Variants in WWOX observed in about 807,000 individuals in gnomAD.
WWOX encodes the protein WW domain-containing oxidoreductase.
In WWOX, 69 loss-of-function variants were observed where a neutral mutation model predicts 46.2. The ratio of observed to expected loss-of-function variants is 1.49; its 90% confidence interval spans 1.23 to 1.82. The LOEUF is 1.82. WWOX is among the 40% of genes most tolerant of loss of function. The pLI is 0.00. For synonymous variants in WWOX, 359 were observed against 202.6 expected, an observed-to-expected ratio of 1.77 and a Z score of -6.56; for missense variants, 919 against 542.6, an observed-to-expected ratio of 1.69 and a Z score of -6.89.
At chr16:78,631,796 G>C (rs148299294) in intron 8 of WWOX, among the ~76,000 whole-genome samples, 4 of 152,116 alleles carry the variant, frequency 2.6e-5, no homozygotes, top group Non-Finnish European at 5.9e-5. Context: ...AAAGTGTTGG[G>C]ATTATAGGTG....
intron 8 of WWOX, among the ~76,000 whole-genome samples, chr16:78,470,568 C>T (rs1212556665): frequency 1.3e-5 from 2 of 152,114 alleles, no homozygotes; most frequent in East Asian, 1.9e-4. Context: ...CTTGCTCTGT[C>T]GCCCAGGCTG....
In WWOX at chr16:78,322,274, T is replaced by G. The variant is rs981108532; in HGVS notation, c.517-64586T>G. 3.3e-5 allele frequency among the ~76,000 whole-genome samples: 5 copies of G among 152,200 alleles called. No individual in the cohort carries two copies. The East Asian group carries it at 9.6e-4, about 29-fold the overall frequency. ...TGTTGTTTTTAATGTCTTCCAAGCC[T>G]TCTGTGTATTAGCCAGCATTAAGGG... On this transcript the variant is annotated intron_variant, in intron 5 of 8. Transcript: ENST00000566780.
chr16:79,024,939 A>G (rs1052565761), intron 8 of WWOX, among the ~76,000 whole-genome samples: 35 of 152,134 alleles, frequency 2.3e-4, no homozygotes, highest in Non-Finnish European at 4.1e-4. Context: ...TGGGATGAGG[A>G]TGGGGACACA....
intron 5 of WWOX, among the ~76,000 whole-genome samples, chr16:78,351,151 G>C (rs958138603): frequency 3.3e-5 from 5 of 152,276 alleles, no homozygotes; most frequent in South Asian, 2.1e-4. Flanking sequence ...TTACAGTGCA[G>C]TGTGTGCTTT....
chr16:79,067,732 C>T (rs950364826), intron 8 of WWOX, among the ~76,000 whole-genome samples: 4 of 152,034 alleles, frequency 2.6e-5, no homozygotes, highest in South Asian at 4.1e-4. Context: ...CAGCTGTATT[C>T]GCTGTGCCTA....
intron 8 of WWOX, among the ~76,000 whole-genome samples, chr16:78,762,222 A>G (rs376511704): frequency 6.6e-6 from 1 of 152,310 alleles, no homozygotes; most frequent in East Asian, 1.9e-4. Flanking sequence ...CCAAGAGCAT[A>G]CAGCAGCTGT....
intron 8 of WWOX, among the ~76,000 whole-genome samples, chr16:78,558,545 C>T (rs1012732639): frequency 2.6e-5 from 4 of 152,208 alleles, no homozygotes; most frequent in African/African-American, 7.2e-5. Context: ...TGCCATAGTA[C>T]CCATCAGGCC....
At chr16:78,967,507 G>C (rs1236961100) in intron 8 of WWOX, among the ~76,000 whole-genome samples, 1 of 112,664 alleles carries the variant, frequency 8.9e-6, no homozygotes, top group African/African-American at 3.3e-5. Flanking sequence ...ATTTCACCAT[G>C]TTCTCCAGGC....
At chr16:78,811,351 A>G (rs948161109) in intron 8 of WWOX, among the ~76,000 whole-genome samples, 1 of 152,114 alleles carries the variant, frequency 6.6e-6, no homozygotes, top group South Asian at 2.1e-4. Flanking sequence ...CTACTAGTAT[A>G]TTTATGTCAC....
At chr16:78,729,373 A>T (rs2048911787) in intron 8 of WWOX, among the ~76,000 whole-genome samples, 1 of 151,822 alleles carries the variant, frequency 6.6e-6, no homozygotes, top group African/African-American at 2.4e-5. Flanking sequence ...AAATAAAATA[A>T]ATATATATAT....
intron 8 of WWOX, among the ~76,000 whole-genome samples, chr16:78,844,380 A>C (rs964770408): frequency 2.0e-5 from 3 of 152,190 alleles, no homozygotes; most frequent in African/African-American, 7.2e-5. Flanking sequence ...ATGGGAAATA[A>C]ATTCTTATTT....
intron 1 of WWOX, among the ~76,000 whole-genome samples, chr16:78,103,827 G>C (rs1172717028): frequency 2.0e-5 from 3 of 152,106 alleles, no homozygotes; most frequent in Admixed American, 6.5e-5. Flanking sequence ...GAGACCTCGG[G>C]GTCTGGTGGA....
chr16:78,700,481 G>C (rs1206459836), intron 8 of WWOX, among the ~76,000 whole-genome samples: 2 of 152,088 alleles, frequency 1.3e-5, no homozygotes, highest in Non-Finnish European at 2.9e-5. Flanking sequence ...TATGCATTTG[G>C]AAGAGAGAGG....
intron 6 of WWOX, among the ~76,000 whole-genome samples, chr16:78,387,890 A>G (rs1427606610): frequency 6.6e-6 from 1 of 152,146 alleles, no homozygotes; most frequent in African/African-American, 2.4e-5. Context: ...CTGAATGTGG[A>G]GAGCTCTCAT....
intron 8 of WWOX, among the ~76,000 whole-genome samples, chr16:78,715,699 A>G (rs1386456192): frequency 6.6e-6 from 1 of 151,938 alleles, no homozygotes; most frequent in Non-Finnish European, 1.5e-5. Flanking sequence ...CTGGTCTCGA[A>G]CTCCTGACTT....
At chr16:78,827,260 C>T (rs116670420) in intron 8 of WWOX, among the ~76,000 whole-genome samples, 237 of 152,270 alleles carry the variant, frequency 1.6e-3, no homozygotes, top group African/African-American at 5.4e-3. Context: ...TGCTCACTGT[C>T]CAAGTGCTGG....
At chr16:79,103,044 C>A (rs1282442090) in intron 8 of WWOX, among the ~76,000 whole-genome samples, 1 of 152,130 alleles carries the variant, frequency 6.6e-6, no homozygotes, top group Non-Finnish European at 1.5e-5. Flanking sequence ...TTTCCATTTG[C>A]TTCTTGCTTT....
At chr16:79,135,957 A>G (rs1197855484) in intron 8 of WWOX, among the ~76,000 whole-genome samples, 3 of 152,050 alleles carry the variant, frequency 2.0e-5, no homozygotes, top group African/African-American at 4.8e-5. Context: ...AACCATCACC[A>G]CCTTCGAATG....
intron 5 of WWOX, among the ~76,000 whole-genome samples, chr16:78,234,762 G>T (rs1189952836): frequency 6.7e-6 from 1 of 148,626 alleles, no homozygotes; most frequent in African/African-American, 2.5e-5. Flanking sequence ...TAAAATAGAG[G>T]TACAATGATA....
Sources: allele counts gnomAD v4.1 joint callset (sites outside exome capture counted in the v4.1 genomes callset), GRCh38; gene constraint gnomAD v4.1.1; transcripts MANE v1.5; gene names NCBI Gene and HGNC (gene_info 2026-07-23, HGNC 2026-07-21).